The following KCNH7 variants were observed in gnomAD, a reference collection of about 807,000 sequenced individuals.
KCNH7 encodes voltage-gated inwardly rectifying potassium channel KCNH7.
A neutral mutation model predicts 120.8 loss-of-function variants in KCNH7; 49 were observed. The ratio of observed to expected loss-of-function variants is 0.41; its 90% CI spans 0.32 to 0.51. KCNH7 has a LOEUF of 0.51. Ranked by LOEUF, KCNH7 falls within the 20% of genes least tolerant of loss-of-function variation. The pLI is 0.38. For missense variants in KCNH7, 1,097 were observed against 1,446.6 expected, an observed-to-expected ratio of 0.76 and a Z score of 3.92; for synonymous variants, 547 against 516.1, an observed-to-expected ratio of 1.06 and a Z score of -0.81.
Position 162,446,493 on chromosome 2 carries a change from T to A in KCNH7, c.1129-50A>T, listed in dbSNP as rs199964405. On this transcript the variant is annotated intron_variant, in intron 6 of 15. Coordinates refer to ENST00000332142, the MANE Select transcript of KCNH7 (RefSeq NM_033272.4). Reference sequence around the variant, plus strand: ...CACTACATAAATATGCCATTTTTAATCTGGTAAACCTATCAAATATTAAGG... The same window carrying A: ...CACTACATAAATATGCCATTTTTAAACTGGTAAACCTATCAAATATTAAGG... 7 of 1,361,754 alleles carry A rather than the reference T, an allele frequency of 5.1e-6. No homozygotes were observed. The Admixed American group carries it at 1.5e-4, about 30-fold the overall frequency. 84.4% of individuals were successfully genotyped at this position (1,361,754 alleles called of 1,614,324 possible).
intron 2 of KCNH7, among the ~76,000 whole-genome samples, chr2:162,684,452 T>C (rs904378556): frequency 2.6e-5 from 4 of 152,158 alleles, no homozygotes; most frequent in Non-Finnish European, 5.9e-5. Flanking sequence ...TCTACCCATC[T>C]GACAAAGGGC....
At chr2:162,671,462 C>A (rs924471432) in intron 2 of KCNH7, among the ~76,000 whole-genome samples, 1 of 150,318 alleles carries the variant, frequency 6.7e-6, no homozygotes, top group African/African-American at 2.5e-5. Flanking sequence ...CTCAGAAACA[C>A]AAAGTCAAAA....
intron 6 of KCNH7, among the ~76,000 whole-genome samples, chr2:162,483,582 A>G (rs941756472): frequency 6.6e-6 from 1 of 151,936 alleles, no homozygotes; most frequent in Non-Finnish European, 1.5e-5. Flanking sequence ...CTTCTTGACA[A>G]TTAGTATCAA....
At chr2:162,602,501 G>A (rs2105954642) in intron 2 of KCNH7, among the ~76,000 whole-genome samples, 1 of 152,098 alleles carries the variant, frequency 6.6e-6, no homozygotes, top group Non-Finnish European at 1.5e-5. Flanking sequence ...CTGAAATTGA[G>A]CCACCTCTCT....
At chr2:162,604,754 A>C (rs1694674632) in intron 2 of KCNH7, among the ~76,000 whole-genome samples, 1 of 151,886 alleles carries the variant, frequency 6.6e-6, no homozygotes, top group African/African-American at 2.4e-5. Context: ...AATTTTTCTA[A>C]ATTTTTCATA....
chr2:162,643,477 A>G (rs905445267), intron 2 of KCNH7, among the ~76,000 whole-genome samples: 2 of 152,200 alleles, frequency 1.3e-5, no homozygotes, highest in Admixed American at 6.6e-5. Flanking sequence ...TTGCATTTAC[A>G]TTATGGAAAA....
intron 4 of KCNH7, among the ~76,000 whole-genome samples, chr2:162,516,493 T>A (rs191564075): frequency 2.6e-5 from 4 of 151,800 alleles, no homozygotes; most frequent in South Asian, 4.1e-4. Flanking sequence ...GAATAGAGTA[T>A]GTAATAGGGA....
At chr2:162,461,405 C>T (rs1469832760) in intron 6 of KCNH7, among the ~76,000 whole-genome samples, 2 of 152,074 alleles carry the variant, frequency 1.3e-5, no homozygotes, top group African/African-American at 2.4e-5. Context: ...GTATATAGTT[C>T]CACATATAGT....
chr2:162,679,206 C>G (rs1685629196), intron 2 of KCNH7, among the ~76,000 whole-genome samples: 1 of 151,510 alleles, frequency 6.6e-6, no homozygotes, highest in Non-Finnish European at 1.5e-5. Context: ...ATAGAAAATA[C>G]TTTCTCAGAA....
chr2:162,793,545 A>G (rs1342995500), intron 2 of KCNH7, among the ~76,000 whole-genome samples: 1 of 152,084 alleles, frequency 6.6e-6, no homozygotes, highest in African/African-American at 2.4e-5. Context: ...AAAGATCTAT[A>G]TACTGAAAAC....
chr2:162,386,342 T>G (rs547184726), intron 12 of KCNH7, among the ~76,000 whole-genome samples: 2 of 152,050 alleles, frequency 1.3e-5, no homozygotes, highest in African/African-American at 4.8e-5. Context: ...TGTTTTTAAC[T>G]TCTTCCCTTC....
intron 6 of KCNH7, among the ~76,000 whole-genome samples, chr2:162,463,888 GT>G (rs1689229322): frequency 6.6e-6 from 1 of 151,270 alleles, no homozygotes; most frequent in Non-Finnish European, 1.5e-5. Flanking sequence ...AAAATATTAG[GT>G]TTTAATTATG....
chr2:162,747,200 G>A (rs1199738012), intron 2 of KCNH7, among the ~76,000 whole-genome samples: 1 of 152,090 alleles, frequency 6.6e-6, no homozygotes, highest in African/African-American at 2.4e-5. Flanking sequence ...TAAAAATATG[G>A]TAGCAAAAAA....
chr2:162,388,171 A>C (rs1480069522), intron 12 of KCNH7, among the ~76,000 whole-genome samples: 4 of 151,890 alleles, frequency 2.6e-5, no homozygotes, highest in Non-Finnish European at 5.9e-5. Context: ...TTTTTATACA[A>C]ATACAAAAAT....
intron 2 of KCNH7, among the ~76,000 whole-genome samples, chr2:162,756,078 C>T (rs1366749731): frequency 6.6e-6 from 1 of 152,064 alleles, no homozygotes; most frequent in Non-Finnish European, 1.5e-5. Flanking sequence ...TTTGAGTTTT[C>T]ATAACTTAAT....
At chr2:162,388,294 A>C (rs1380873273) in intron 12 of KCNH7, among the ~76,000 whole-genome samples, 5 of 151,834 alleles carry the variant, frequency 3.3e-5, no homozygotes, top group Non-Finnish European at 7.4e-5. Context: ...TATGGTAACA[A>C]TAGTAAATGT....
At chr2:162,659,533 G>A (rs1479880284) in intron 2 of KCNH7, among the ~76,000 whole-genome samples, 2 of 151,844 alleles carry the variant, frequency 1.3e-5, no homozygotes, top group South Asian at 2.1e-4. Context: ...GTAGAGACGA[G>A]GTTTCACTGT....
At position 162,401,989 on chromosome 2, in the gene KCNH7, G is replaced by T. The variant is rs539853945; in HGVS notation, c.2155-1548C>A. Among the ~76,000 whole-genome samples the T allele has an allele frequency of 2.6e-5, 4 of 151,872 alleles. No homozygotes were observed. The South Asian group carries it at 8.3e-4, about 31-fold the overall frequency. On this transcript the variant is annotated intron_variant, in intron 9 of 15. Coordinates refer to ENST00000332142, the MANE Select transcript of KCNH7 (RefSeq NM_033272.4). Reference sequence around the variant, plus strand: ...GCTCGGTGCTGCTACAGGAACTCAGGTTTTCATCCTGAAGAGTCTGTATTT... The same window carrying T: ...GCTCGGTGCTGCTACAGGAACTCAGTTTTTCATCCTGAAGAGTCTGTATTT...
intron 9 of KCNH7, among the ~76,000 whole-genome samples, chr2:162,412,143 T>G (rs1475879000): frequency 6.6e-6 from 1 of 151,972 alleles, no homozygotes; most frequent in Non-Finnish European, 1.5e-5. Context: ...ATTGGCTGGA[T>G]AGAAGATAAA....
Sources: gnomAD v4.1 joint callset for allele counts (sites outside exome capture counted in the v4.1 genomes callset) on GRCh38, gnomAD v4.1.1 for gene constraint, MANE v1.5 for transcripts, NCBI Gene and HGNC (gene_info 2026-07-23, HGNC 2026-07-21) for gene names.